ARFIP1: variants seen among roughly 807,000 people sequenced by gnomAD.
ARFIP1 encodes arfaptin-1.
In ARFIP1, 24 loss-of-function variants were observed where a neutral mutation model predicts 42.5. The observed-to-expected ratio is 0.57, with a 90% CI of 0.41 to 0.80. ARFIP1 has a LOEUF of 0.80. Among genes scored for constraint, ARFIP1 ranks in the 30% least tolerant of loss-of-function variants. The pLI, the probability that ARFIP1 is intolerant of heterozygous loss-of-function variation, is 0.00. For missense variants in ARFIP1, 354 were observed against 434.0 expected (o/e 0.82, Z 1.64); for synonymous variants, 141 against 153.7 (o/e 0.92, Z 0.61).
At chr4:152,824,401 TA>T (rs1191100924) in intron 1 of ARFIP1, among the ~76,000 whole-genome samples, 3 of 151,370 alleles carry the variant, frequency 2.0e-5, no homozygotes, top group African/African-American at 7.3e-5. Flanking sequence ...TGCAAGTCAA[TA>T]AATGTGATTC....
intron 1 of ARFIP1, among the ~76,000 whole-genome samples, chr4:152,805,352 T>C (rs1301756369): frequency 6.6e-6 from 1 of 152,206 alleles, no homozygotes; most frequent in Non-Finnish European, 1.5e-5. Flanking sequence ...GCCTGGAGCA[T>C]TGGAAAACCA....
At chr4:152,818,472 G>A (rs1322953481) in intron 1 of ARFIP1, among the ~76,000 whole-genome samples, 1 of 152,200 alleles carries the variant, frequency 6.6e-6, no homozygotes, top group Non-Finnish European at 1.5e-5. Flanking sequence ...AGGGACGGAG[G>A]GAAGCCATTC....
At chr4:152,808,283 A>ATTTTTTTTTTTTTCTTTTT (rs1729152101) in intron 1 of ARFIP1, among the ~76,000 whole-genome samples, 1 of 20,314 alleles carries the variant, frequency 4.9e-5, no homozygotes, top group African/African-American at 1.6e-4. Flanking sequence ...CCTGGCCTCC[A>ATTTTTTTTTTTTTCTTTTT]TTTTTTTTTT....
At chr4:152,838,972 T>C (rs1057014040) in intron 2 of ARFIP1, among the ~76,000 whole-genome samples, 2 of 152,202 alleles carry the variant, frequency 1.3e-5, no homozygotes, top group Admixed American at 1.3e-4. Flanking sequence ...CTGATTTTGC[T>C]GAGAGTTTTA....
chr4:152,816,286 G>C (rs999082856), intron 1 of ARFIP1, among the ~76,000 whole-genome samples: 2 of 152,166 alleles, frequency 1.3e-5, no homozygotes, highest in Non-Finnish European at 2.9e-5. Context: ...CAGAGTTCTC[G>C]TGATAATTTT....
chr4:152,905,062 T>C (rs962051832), intron 8 of ARFIP1, among the ~76,000 whole-genome samples: 5 of 152,178 alleles, frequency 3.3e-5, no homozygotes, highest in African/African-American at 1.2e-4. Context: ...GCATCTGTTG[T>C]TTCTTGACTT....
intron 1 of ARFIP1, among the ~76,000 whole-genome samples, chr4:152,818,347 C>T (rs545224160): frequency 2.0e-5 from 3 of 152,292 alleles, no homozygotes; most frequent in African/African-American, 4.8e-5. Flanking sequence ...TAATCCAGGC[C>T]ATGAGGGGAA....
chr4:152,810,692 T>C (rs1337015295), intron 1 of ARFIP1, among the ~76,000 whole-genome samples: 1 of 151,718 alleles, frequency 6.6e-6, no homozygotes, highest in Non-Finnish European at 1.5e-5. Flanking sequence ...GGCGGGTGCC[T>C]GTAGTCCCAG....
chr4:152,835,473 G>A (rs1731575101), intron 2 of ARFIP1, among the ~76,000 whole-genome samples: 1 of 152,124 alleles, frequency 6.6e-6, no homozygotes, highest in Non-Finnish European at 1.5e-5. Flanking sequence ...GTTCCCATTC[G>A]CTTCCTCATT....
chr4:152,782,211 A>G (rs1045368771), intron 1 of ARFIP1, among the ~76,000 whole-genome samples: 4 of 146,136 alleles, frequency 2.7e-5, no homozygotes, highest in Admixed American at 6.8e-5. Context: ...GAAGTTAGTG[A>G]AAACAGGTAG....
rs1384508752 is a variant in ARFIP1, at chr4:152,911,348, G to A, written c.*1129G>A. ...TTTCTTCATTCCTTTTGAGGATTGG[G>A]AAAACAGAAAGATTCTTTGATTTGG... On this transcript the variant is annotated 3_prime_UTR_variant, in exon 9 of 9. Transcript: ENST00000353617. 1 of 152,568 alleles carries A rather than the reference G, an allele frequency of 6.6e-6. No homozygotes were observed. The highest frequency in any genetic ancestry group is 1.5e-5 in the Non-Finnish European group (1 of 68,018). The allele number at this position is 152,568 out of a possible 1,614,324, so 9.5% of individuals were successfully genotyped here.
chr4:152,815,068 T>C (rs760967340), intron 1 of ARFIP1, among the ~76,000 whole-genome samples: 14 of 152,224 alleles, frequency 9.2e-5, no homozygotes, highest in Admixed American at 3.3e-4. Flanking sequence ...GTTATGTTTC[T>C]CCTTCTACCT....
chr4:152,789,401 C>G (rs1354280770), intron 1 of ARFIP1, among the ~76,000 whole-genome samples: 1 of 152,058 alleles, frequency 6.6e-6, no homozygotes, highest in African/African-American at 2.4e-5. Flanking sequence ...AGAATACAAA[C>G]TATTAATATG....
At chr4:152,847,044 T>C (rs1732590389) in intron 2 of ARFIP1, among the ~76,000 whole-genome samples, 1 of 149,832 alleles carries the variant, frequency 6.7e-6, no homozygotes. Context: ...TTCACATCTA[T>C]GTAGAGATGA....
intron 1 of ARFIP1, among the ~76,000 whole-genome samples, chr4:152,811,180 A>G (rs1309491379): frequency 2.0e-5 from 3 of 148,634 alleles, no homozygotes; most frequent in South Asian, 2.1e-4. Context: ...TCTTTATTCA[A>G]TGAATGCCTT....
At chr4:152,828,012 A>G (rs1441952536) in intron 1 of ARFIP1, among the ~76,000 whole-genome samples, 1 of 152,150 alleles carries the variant, frequency 6.6e-6, no homozygotes, top group African/African-American at 2.4e-5. Flanking sequence ...AATTTCCTCC[A>G]TGTCTTTTTG....
At chr4:152,816,659 G>A (rs1435298908) in intron 1 of ARFIP1, among the ~76,000 whole-genome samples, 1 of 152,240 alleles carries the variant, frequency 6.6e-6, no homozygotes, top group Non-Finnish European at 1.5e-5. Flanking sequence ...AGCTCTATGA[G>A]AGCAGGGGGC....
At chr4:152,782,906 A>G (rs938951001) in intron 1 of ARFIP1, among the ~76,000 whole-genome samples, 2 of 152,070 alleles carry the variant, frequency 1.3e-5, no homozygotes, top group Admixed American at 6.5e-5. Flanking sequence ...GAAGAGACCT[A>G]TACAGCTCAT....
chr4:152,866,753 G>A (rs570096290), intron 3 of ARFIP1, among the ~76,000 whole-genome samples: 1 of 150,876 alleles, frequency 6.6e-6, no homozygotes, highest in East Asian at 2.0e-4. Context: ...GGCGGCTGCC[G>A]GGCGGAGGGT....
Sources: gnomAD v4.1 joint callset for allele counts (sites outside exome capture counted in the v4.1 genomes callset) on GRCh38, gnomAD v4.1.1 for gene constraint, MANE v1.5 for transcripts, NCBI Gene and HGNC (gene_info 2026-07-23, HGNC 2026-07-21) for gene names.